ATP2C1: variants seen among roughly 807,000 people sequenced by gnomAD.
ATP2C1 encodes calcium-transporting ATPase type 2C member 1.
In ATP2C1, 31 loss-of-function variants were observed where a neutral mutation model predicts 120.5. That is an observed-to-expected ratio of 0.26 (90% CI 0.19 to 0.35). The LOEUF (loss-of-function observed/expected upper bound fraction) is 0.35. ATP2C1 is among the 10% of genes least tolerant of loss of function. ATP2C1 has a pLI of 1.00. For missense variants in ATP2C1, 731 were observed against 1,107.5 expected (o/e 0.66, Z 4.83); for synonymous variants, 351 against 358.7 (o/e 0.98, Z 0.24).
At chr3:130,943,474 C>G (rs922479134) in intron 8 of ATP2C1, among the ~76,000 whole-genome samples, 22 of 152,240 alleles carry the variant, frequency 1.4e-4, no homozygotes, top group African/African-American at 5.3e-4. Context: ...GCCTCAGCCT[C>G]CTAAAGTGCT....
At chr3:130,936,297 A>G (rs954192433) in intron 5 of ATP2C1, among the ~76,000 whole-genome samples, 1 of 152,214 alleles carries the variant, frequency 6.6e-6, no homozygotes, top group Non-Finnish European at 1.5e-5. Flanking sequence ...AAGTGAACCA[A>G]TATTTCCCAG....
chr3:130,902,283 C>CGTTTTTTT (rs2057873843), intron 2 of ATP2C1, among the ~76,000 whole-genome samples: 1 of 80,914 alleles, frequency 1.2e-5, no homozygotes, highest in African/African-American at 4.8e-5. Context: ...CAAGGCTTCA[C>CGTTTTTTT]GTTTTTTTTT....
At chr3:130,941,223 A>AGTGTGTGTGTGT (rs71774561) in intron 7 of ATP2C1, among the ~76,000 whole-genome samples, 3 of 144,338 alleles carry the variant, frequency 2.1e-5, no homozygotes, top group South Asian at 2.3e-4. Context: ...TGTATTTAAC[A>AGTGTGTGTGTGT]GTGTGTGTGT....
chr3:130,894,022 C>G, upstream of ATP2C1: 2 of 986,366 alleles, frequency 2.0e-6, no homozygotes, highest in Non-Finnish European at 2.4e-6. The surrounding 1 kb of genome is among the most constrained non-coding windows in gnomAD (Gnocchi z 4.5). Flanking sequence ...CCCAGGAGTG[C>G]GGGGCGCGAC....
intron 1 of ATP2C1, among the ~76,000 whole-genome samples, chr3:130,879,577 G>T (rs1450696940): frequency 6.6e-6 from 1 of 152,008 alleles, no homozygotes; most frequent in Non-Finnish European, 1.5e-5. Context: ...AATTACCGTT[G>T]TTTTTTGGTG....
Position 130,939,606 on chromosome 3 carries a change from A to G in ATP2C1, c.361-1024A>G, listed in dbSNP as rs148349914. On this transcript the variant is annotated intron_variant, in intron 6 of 27. Transcript: ENST00000510168. ...CATTTATTACTGGGATCTAGGATTG[A>G]TGGGTATTTTCTAGCATATTACAGA... Among the ~76,000 whole-genome samples the G allele has an allele frequency of 7.6e-3, 1,156 of 152,260 alleles. 18 individuals are homozygous for G. The highest frequency in any genetic ancestry group is 0.026 in the African/African-American group (1,100 of 41,558).
chr3:130,982,625 A>G (rs941282442), intron 20 of ATP2C1, among the ~76,000 whole-genome samples: 1 of 152,162 alleles, frequency 6.6e-6, no homozygotes, highest in East Asian at 1.9e-4. Context: ...TTTATTAGCT[A>G]TTTTGTAGCC....
At chr3:131,000,062 T>C (rs2062813588) in intron 27 of ATP2C1, among the ~76,000 whole-genome samples, 2 of 152,214 alleles carry the variant, frequency 1.3e-5, no homozygotes, top group African/African-American at 4.8e-5. Flanking sequence ...TTATTCTTTC[T>C]TGTTTGTACA....
intron 2 of ATP2C1, among the ~76,000 whole-genome samples, chr3:130,900,741 T>C (rs2057782079): frequency 6.6e-6 from 1 of 152,240 alleles, no homozygotes. Context: ...TGTTATTCTC[T>C]GCCTAAGGGC....
Position 130,918,691 on chromosome 3 carries a change from A to C in ATP2C1, c.7-11725A>C, listed in dbSNP as rs139440811. On this transcript the variant is annotated intron_variant, in intron 2 of 27. Transcript: ENST00000510168. Reference sequence around the variant, plus strand: ...TCTAAATTATTCCTGCAAATCATGCATAGAAAGCAGCAGCAGTGGGCCGGG... The same window carrying C: ...TCTAAATTATTCCTGCAAATCATGCCTAGAAAGCAGCAGCAGTGGGCCGGG... 1.6e-3 allele frequency: 770 copies of C among 485,590 alleles called. 9 individuals are homozygous for C. In the East Asian group the frequency reaches 0.032, roughly 20 times the overall value. 30.1% of individuals were successfully genotyped at this position (485,590 alleles called of 1,614,324 possible). A position where few individuals can be genotyped will look rare whatever the true frequency, so the allele number is the denominator to read the frequency against.
Position 130,994,026 on chromosome 3 carries a change from G to C in ATP2C1, c.1985G>C (p.Gly662Ala). 2 of 1,614,118 alleles carry C rather than the reference G, an allele frequency of 1.2e-6. No individual in the cohort carries two copies. The highest frequency in any genetic ancestry group is 1.7e-6 in the Non-Finnish European group (2 of 1,180,000). Residue 662 changes from glycine (G) to alanine (A), a missense_variant, in exon 22 of 28, where the codon GGC (glycine) becomes GCC (alanine). Transcript: ENST00000510168. Reference protein sequence around the residue: ...LKAADIGVAMGQTGTDVCKEA... With the variant: ...LKAADIGVAMAQTGTDVCKEA... ...GCTGCAGACATTGGAGTTGCGATGG[G>C]CCAGACTGGTACAGATGTTTGCAAA...
rs185511445 is a variant in ATP2C1 at position 130,916,143 on chromosome 3, C to T, written c.7-14273C>T. Among the ~76,000 whole-genome samples, 16 of 151,938 alleles carry T rather than the reference C, an allele frequency of 1.1e-4. No individual in the cohort carries two copies. The East Asian group carries it at 2.1e-3, about 20-fold the overall frequency. On this transcript the variant is annotated intron_variant, in intron 2 of 27. Coordinates refer to ENST00000510168, the MANE Select transcript of ATP2C1 (RefSeq NM_001378687.1). ...GGTGGAGGCCAGGCACAGTGGCTCA[C>T]GCCTGTAATCCTAGCACTTTGGGAG...
At chr3:130,960,790 A>G (rs2060786785) in intron 12 of ATP2C1, among the ~76,000 whole-genome samples, 1 of 152,182 alleles carries the variant, frequency 6.6e-6, no homozygotes, top group African/African-American at 2.4e-5. Flanking sequence ...TTAGTGACAA[A>G]TAGGTAGGCA....
intron 2 of ATP2C1, among the ~76,000 whole-genome samples, chr3:130,898,663 A>C (rs1374770413): frequency 6.6e-6 from 1 of 152,176 alleles, no homozygotes; most frequent in Non-Finnish European, 1.5e-5. Flanking sequence ...GTTGGATTCC[A>C]AATACTTGAT....
chr3:131,011,222 A>G (rs1453982320), intron 26 of ATP2C1, among the ~76,000 whole-genome samples: 1 of 152,204 alleles, frequency 6.6e-6, no homozygotes, highest in African/African-American at 2.4e-5. Flanking sequence ...TATTTACAGG[A>G]TGCATATTAA....
At chr3:131,010,111 C>G (rs960129329) in intron 26 of ATP2C1, among the ~76,000 whole-genome samples, 1 of 151,824 alleles carries the variant, frequency 6.6e-6, no homozygotes, top group South Asian at 2.1e-4. Flanking sequence ...GGAGTAGGGC[C>G]AGGTTATAAC....
At chr3:130,970,394 ACACACACACACACCC>A (rs1289450192) in intron 17 of ATP2C1, among the ~76,000 whole-genome samples, 1 of 147,858 alleles carries the variant, frequency 6.8e-6, no homozygotes, top group African/African-American at 2.6e-5. Flanking sequence ...ACACACACAC[ACACACACACACACCC>A]TTAAACTTTC....
chr3:130,936,275 AT>A (rs1450263278), intron 5 of ATP2C1, among the ~76,000 whole-genome samples: 1 of 152,170 alleles, frequency 6.6e-6, no homozygotes, highest in African/African-American at 2.4e-5. Flanking sequence ...CTTGGGGAAG[AT>A]TTGAATAACC....
chr3:130,955,053 G>A lies in ATP2C1; in HGVS notation c.729G>A (p.Glu243=). ...CAGGAGAAAATTCTGAATTTGGGGA[G>A]GTTTTTAAAATGATGCAAGCAGAAG... ...IGTGENSEFG[E]VFKMMQAEEA... Residue 243 remains glutamate (E), a synonymous_variant, in exon 10 of 28, where the codon GAG becomes GAA. Transcript: ENST00000510168. The A allele has an allele frequency of 1.2e-6, 2 of 1,612,436 alleles. No individual in the cohort carries two copies. The highest frequency in any genetic ancestry group is 1.7e-6 in the Non-Finnish European group (2 of 1,178,930).
Sources: gnomAD v4.1 joint callset for allele counts (sites outside exome capture counted in the v4.1 genomes callset) on GRCh38, gnomAD v4.1.1 for gene constraint, Gnocchi (gnomAD v3.1) non-coding constraint, MANE v1.5 for transcripts, NCBI Gene and HGNC (gene_info 2026-07-23, HGNC 2026-07-21) for gene names.